The following TRPC4 variants were observed in gnomAD, a reference collection of about 807,000 sequenced individuals.
TRPC4 encodes short transient receptor potential channel 4.
A neutral mutation model predicts 99.4 loss-of-function variants in TRPC4; 49 were observed. That is an observed-to-expected ratio of 0.49 (90% CI 0.39 to 0.63). The LOEUF (loss-of-function observed/expected upper bound fraction) is 0.63, where lower values mean the gene tolerates loss of function less well. Ranked by LOEUF, TRPC4 falls within the 20% of genes least tolerant of loss-of-function variation. TRPC4 has a pLI of 0.00. For synonymous variants in TRPC4, 454 were observed against 425.9 expected (o/e 1.07, Z -0.81); for missense variants, 898 against 1,152.9 (o/e 0.78, Z 3.20).
At chr13:37,702,988 T>C (rs1416717071) in intron 3 of TRPC4, among the ~76,000 whole-genome samples, 1 of 151,796 alleles carries the variant, frequency 6.6e-6, no homozygotes, top group African/African-American at 2.4e-5. Flanking sequence ...AAATTGAAGG[T>C]TGGAAAAAAG....
rs546684412 is a variant in TRPC4, at chr13:37,804,829, G to A, written c.-27-21469C>T. 1.2e-4 allele frequency among the ~76,000 whole-genome samples: 18 copies of A among 152,076 alleles called. No individual in the cohort carries two copies. In the South Asian group the frequency reaches 3.7e-3, roughly 31 times the overall value. ...ATTTTGGAGGTGAGGAAAGATTGGG[G>A]AGTAATATGTCCAAGTAATCCCACA... On this transcript the variant is annotated intron_variant, in intron 1 of 10. Coordinates refer to ENST00000379705, the MANE Select transcript of TRPC4 (RefSeq NM_016179.4).
In TRPC4 at chr13:37,703,662, T is replaced by TA. The variant is rs201123757; in HGVS notation, c.898-11328dup. Among the ~76,000 whole-genome samples, 842 of 151,798 alleles carry TA rather than the reference T, an allele frequency of 5.5e-3. 7 individuals are homozygous for TA. Among genetic ancestry groups the TA allele is most frequent in the African/African-American group, 0.019 (777 of 41,358 alleles). ...GCATACCTATTAGAATGACTAAAAT[T>TA]AAAAAAAATATCTAATTAAAACATA... On this transcript the variant is annotated intron_variant, in intron 3 of 10. Transcript: ENST00000379705.
chr13:37,675,488 T>C lies in TRPC4; in HGVS notation c.1235-1121A>G, dbSNP rs1482963434. 3.3e-5 allele frequency among the ~76,000 whole-genome samples: 5 copies of C among 152,182 alleles called. No individual in the cohort carries two copies. The East Asian group carries it at 9.6e-4, about 29-fold the overall frequency. ...CAAGGAAAATTTCTACCCTCTTGCATGCTCTTCTTCATGGACCCTATCCAC... is the reference window on the plus strand; with the variant it reads ...CAAGGAAAATTTCTACCCTCTTGCACGCTCTTCTTCATGGACCCTATCCAC... On this transcript the variant is annotated intron_variant, in intron 4 of 10. Transcript: ENST00000379705.
At chr13:37,844,813 A>G (rs1367200175) in intron 1 of TRPC4, among the ~76,000 whole-genome samples, 3 of 152,186 alleles carry the variant, frequency 2.0e-5, no homozygotes, top group African/African-American at 7.2e-5. Context: ...AGGCAAGTCT[A>G]AGTCCATGCA....
chr13:37,853,080 G>A (rs1399367621), intron 1 of TRPC4, among the ~76,000 whole-genome samples: 1 of 151,928 alleles, frequency 6.6e-6, no homozygotes, highest in Admixed American at 6.6e-5. Context: ...CCTGCCGATT[G>A]CGGAGGCCTA....
intron 2 of TRPC4, among the ~76,000 whole-genome samples, chr13:37,780,493 T>C (rs1002936728): frequency 1.3e-5 from 2 of 152,050 alleles, no homozygotes; most frequent in Non-Finnish European, 2.9e-5. Flanking sequence ...TGAATTAAAA[T>C]AAAACACAAA....
intron 2 of TRPC4, among the ~76,000 whole-genome samples, chr13:37,768,982 T>C (rs1398125428): frequency 1.3e-5 from 2 of 151,366 alleles, no homozygotes; most frequent in African/African-American, 2.4e-5. Flanking sequence ...CAAAGAAATA[T>C]AGATCATGGT....
At chr13:37,749,612 G>T (rs945561975) in intron 2 of TRPC4, among the ~76,000 whole-genome samples, 1 of 152,080 alleles carries the variant, frequency 6.6e-6, no homozygotes, top group African/African-American at 2.4e-5. Context: ...GAAAATAATT[G>T]CCTGTTACGG....
intron 1 of TRPC4, among the ~76,000 whole-genome samples, chr13:37,836,698 A>G (rs1371964121): frequency 6.6e-6 from 1 of 152,208 alleles, no homozygotes; most frequent in Non-Finnish European, 1.5e-5. Context: ...TGGAGCCTAA[A>G]AGTTTGGAAA....
rs184622893 is a variant in TRPC4 at position 37,855,735 on chromosome 13, G to A, written c.-28+13860C>T. Among the ~76,000 whole-genome samples, 621 of 151,880 alleles carry A rather than the reference G, an allele frequency of 4.1e-3. 5 individuals carry two copies. Among genetic ancestry groups the A allele is most frequent in the African/African-American group, 0.014 (587 of 41,474 alleles). ...CAAATCAATAACAGGAGGAATTTTG[G>A]AAACTATTCAAACACATGGAAATTA... On this transcript the variant is annotated intron_variant, in intron 1 of 10. Coordinates refer to ENST00000379705, the MANE Select transcript of TRPC4 (RefSeq NM_016179.4).
chr13:37,840,696 C>T (rs986321633), intron 1 of TRPC4, among the ~76,000 whole-genome samples: 2 of 151,944 alleles, frequency 1.3e-5, no homozygotes, highest in African/African-American at 4.8e-5. Context: ...CTCATTTTAA[C>T]AGCTACTTTC....
In TRPC4 at chr13:37,637,207, G is replaced by A; in HGVS notation, c.2630C>T (p.Ala877Val). 6.2e-7 allele frequency: 1 copy of A among 1,613,898 alleles called. No individual in the cohort carries two copies. Among genetic ancestry groups the A allele is most frequent in the Admixed American group, 1.7e-5 (1 of 59,960 alleles). ...TTGAATATTTCTCTCAAGTGGTCCT[G>A]CAGCCTGTTGACGAGCAACTTCTTC... ...VSEEVARQQA[A>V]GPLERNIQLE... Residue 877 changes from alanine (A) to valine (V), a missense_variant, in exon 11 of 11, where the codon GCA (alanine) becomes GTA (valine). Around this residue, in one of 3 missense-constraint regions of TRPC4, gnomAD observed 346 missense variants for 351.4 expected, o/e 0.98. Coordinates refer to ENST00000379705, the MANE Select transcript of TRPC4 (RefSeq NM_016179.4).
chr13:37,702,031 G>C (rs1001041014), intron 3 of TRPC4, among the ~76,000 whole-genome samples: 1 of 152,028 alleles, frequency 6.6e-6, no homozygotes, highest in Admixed American at 6.6e-5. Flanking sequence ...TGAGACTCTG[G>C]GTAGAATCTT....
intron 1 of TRPC4, among the ~76,000 whole-genome samples, chr13:37,824,578 T>C (rs1958140113): frequency 6.6e-6 from 1 of 151,840 alleles, no homozygotes; most frequent in East Asian, 1.9e-4. Context: ...ATTACATTTA[T>C]TGATTTGCGT....
At chr13:37,681,082 A>G (rs1272179544) in intron 4 of TRPC4, among the ~76,000 whole-genome samples, 1 of 152,234 alleles carries the variant, frequency 6.6e-6, no homozygotes, top group Non-Finnish European at 1.5e-5. Context: ...GGAGGTATAA[A>G]GAAGAAGTTA....
chr13:37,772,113 T>C (rs17056621), intron 2 of TRPC4, among the ~76,000 whole-genome samples: 18,603 of 151,684 alleles, frequency 0.12, 1,735 homozygotes, highest in African/African-American at 0.26. Flanking sequence ...TTGGAAACTC[T>C]ATGCTTGACG....
chr13:37,771,498 T>C (rs1306487464), intron 2 of TRPC4, among the ~76,000 whole-genome samples: 16 of 151,692 alleles, frequency 1.1e-4, no homozygotes, highest in Admixed American at 1.1e-3. Flanking sequence ...AGAAACTATC[T>C]ATGATTTTAA....
chr13:37,745,699 T>A (rs967784935), intron 3 of TRPC4, among the ~76,000 whole-genome samples: 7 of 151,786 alleles, frequency 4.6e-5, no homozygotes, highest in Admixed American at 2.0e-4. Flanking sequence ...AGTTTTTCCA[T>A]TATACCACAG....
At chr13:37,693,042 T>C (rs1429989205) in intron 3 of TRPC4, among the ~76,000 whole-genome samples, 1 of 147,648 alleles carries the variant, frequency 6.8e-6, no homozygotes, top group Non-Finnish European at 1.5e-5. Flanking sequence ...GACAACATTT[T>C]TGTGATGTAG....
Sources: gnomAD v4.1 joint callset for allele counts (sites outside exome capture counted in the v4.1 genomes callset) on GRCh38, gnomAD v4.1.1 for gene constraint, gnomAD v4.1.1 regional missense constraint, MANE v1.5 for transcripts, NCBI Gene and HGNC (gene_info 2026-07-23, HGNC 2026-07-21) for gene names.